Variants in MGAT5 observed in about 807,000 individuals in gnomAD.
MGAT5 encodes the protein alpha-1,6-mannosylglycoprotein 6-beta-N-acetylglucosaminyltransferase, also known as alpha-1,6-mannosylglycoprotein 6-beta-N-acetylglucosaminyltransferase A.
MGAT5 carries 30 observed loss-of-function variants against 94.3 expected under a neutral mutation model. The observed-to-expected ratio is 0.32, with a 90% confidence interval of 0.24 to 0.43. The LOEUF (loss-of-function observed/expected upper bound fraction) is 0.43. Among genes scored for constraint, MGAT5 ranks in the 20% least tolerant of loss-of-function variants. The pLI, the probability that MGAT5 is intolerant of heterozygous loss-of-function variation, is 1.00. For synonymous variants in MGAT5, 310 were observed against 322.9 expected (o/e 0.96, Z 0.43); for missense variants, 691 against 905.5 (o/e 0.76, Z 3.04).
Position 134,254,363 on chromosome 2 carries a change from A to G in MGAT5, c.-41A>G, listed in dbSNP as rs1415406142. On this transcript the variant is annotated 5_prime_UTR_variant, in exon 1 of 16. Coordinates refer to ENST00000281923, the MANE Select transcript of MGAT5 (RefSeq NM_002410.5). ...CACCATGAATTTGTGTCTATCTTCTACGCGTTAAGAGCCAAGGACAGGTGA... is the reference window on the plus strand; with the variant it reads ...CACCATGAATTTGTGTCTATCTTCTGCGCGTTAAGAGCCAAGGACAGGTGA... The G allele has an allele frequency of 1.2e-6, 2 of 1,609,520 alleles. No individual in the cohort carries two copies. The highest frequency in any genetic ancestry group is 2.7e-5 in the African/African-American group (2 of 74,696).
chr2:134,244,915 C>T (rs939801677), intron 1 of MGAT5, among the ~76,000 whole-genome samples: 3 of 152,152 alleles, frequency 2.0e-5, no homozygotes, highest in Non-Finnish European at 4.4e-5. Context: ...TATTCAGACC[C>T]ATATGTCAGT....
At chr2:134,159,508 A>G (rs1000959655) in intron 1 of MGAT5, among the ~76,000 whole-genome samples, 3 of 152,132 alleles carry the variant, frequency 2.0e-5, no homozygotes, top group African/African-American at 7.2e-5. Context: ...TTTACAGGGT[A>G]TTTGTACTTT....
intron 15 of MGAT5, among the ~76,000 whole-genome samples, chr2:134,447,356 CA>C (rs1685846420): frequency 6.6e-6 from 1 of 152,226 alleles, no homozygotes; most frequent in Non-Finnish European, 1.5e-5. Context: ...GTGATGACGA[CA>C]ATGACCACAA....
chr2:134,422,963 T>C, intron 13 of MGAT5, 44 bp downstream of exon 13: 1 of 1,422,694 alleles, frequency 7.0e-7, no homozygotes, highest in Non-Finnish European at 9.9e-7. Context: ...TAATGTGACC[T>C]GAAATGTGTA....
Position 134,448,813 on chromosome 2 carries a change from AG to A in MGAT5, c.2195del (p.Gly732AlafsTer54). The A allele has an allele frequency of 6.2e-7, 1 of 1,613,904 alleles. No homozygotes were observed. The highest frequency in any genetic ancestry group is 8.5e-7 in the Non-Finnish European group (1 of 1,180,012). On this transcript the variant is annotated frameshift_variant, in exon 16 of 16. Coordinates refer to ENST00000281923, the MANE Select transcript of MGAT5 (RefSeq NM_002410.5). LOFTEE classifies it high-confidence loss of function. ...QRVCPCRDFI[K>X]GQVALCKDCL ...GTCTGCCCCTGCCGGGACTTCATCA[AG>A]GGCCAGGTGGCTCTCTGCAAAGACT...
At chr2:134,270,171 T>C (rs1007194135) in intron 1 of MGAT5, among the ~76,000 whole-genome samples, 11 of 152,368 alleles carry the variant, frequency 7.2e-5, no homozygotes, top group African/African-American at 2.6e-4. Context: ...ATGTTACTTA[T>C]TGCCAGACTT....
chr2:134,269,963 A>G lies in MGAT5; in HGVS notation c.242-423A>G, dbSNP rs183574433. Among the ~76,000 whole-genome samples the G allele has an allele frequency of 8.7e-4, 133 of 152,364 alleles. 2 individuals are homozygous for G. Among genetic ancestry groups the G allele is most frequent in the Admixed American group, 8.5e-4 (13 of 15,314 alleles). ...TAAACACTTTTTAAAAAACTGGGAC[A>G]TGCTAGAGTATGCAACACGAAAAAT... On this transcript the variant is annotated intron_variant, in intron 1 of 15. Coordinates refer to ENST00000281923, the MANE Select transcript of MGAT5 (RefSeq NM_002410.5).
intron 9 of MGAT5, among the ~76,000 whole-genome samples, chr2:134,350,448 C>A (rs60448079): frequency 0.017 from 2,598 of 151,982 alleles, 80 homozygotes; most frequent in African/African-American, 0.06. Context: ...AATCCTAGGC[C>A]CAGAATGAAA....
intron 14 of MGAT5, among the ~76,000 whole-genome samples, chr2:134,439,337 G>A (rs1685345302): frequency 6.6e-6 from 1 of 152,192 alleles, no homozygotes; most frequent in African/African-American, 2.4e-5. Flanking sequence ...TGCTCTCAGG[G>A]CCAGCTGCCC....
chr2:134,256,263 A>G (rs911012494), intron 1 of MGAT5, among the ~76,000 whole-genome samples: 1 of 152,234 alleles, frequency 6.6e-6, no homozygotes, highest in African/African-American at 2.4e-5. Flanking sequence ...TTTCCAGAGT[A>G]GTTTAGATAA....
Position 134,394,275 on chromosome 2 carries a change from A to G in MGAT5, c.1381-8713A>G, listed in dbSNP as rs147575553. Among the ~76,000 whole-genome samples the G allele has an allele frequency of 2.2e-3, 335 of 152,368 alleles. 2 individuals carry two copies. Among genetic ancestry groups the G allele is most frequent in the African/African-American group, 7.3e-3 (303 of 41,592 alleles). ...GCAATTACTTTTCATCCTGGCCTGC[A>G]GAAATTGTGTTCTGCCAGTCACTGT... On this transcript the variant is annotated intron_variant, in intron 10 of 15. Coordinates refer to ENST00000281923, the MANE Select transcript of MGAT5 (RefSeq NM_002410.5).
At chr2:134,402,698 A>G (rs1683122560) in intron 10 of MGAT5, among the ~76,000 whole-genome samples, 1 of 152,232 alleles carries the variant, frequency 6.6e-6, no homozygotes, top group African/African-American at 2.4e-5. Context: ...TTGGCTATAT[A>G]ATGTATTTCC....
chr2:134,441,286 G>C (rs1685473247), intron 14 of MGAT5, among the ~76,000 whole-genome samples: 1 of 152,166 alleles, frequency 6.6e-6, no homozygotes, highest in Admixed American at 6.5e-5. Flanking sequence ...TTATGAAACA[G>C]TGTCGTATTA....
At chr2:134,359,924 T>A (rs1679976447) in intron 9 of MGAT5, among the ~76,000 whole-genome samples, 1 of 152,192 alleles carries the variant, frequency 6.6e-6, no homozygotes, top group African/African-American at 2.4e-5. Context: ...AATCACCTGC[T>A]GGGGCGAGTC....
At chr2:134,332,969 A>C (rs573143850) in intron 4 of MGAT5, among the ~76,000 whole-genome samples, 1,938 of 152,220 alleles carry the variant, frequency 0.013, 35 homozygotes, top group African/African-American at 0.043. Context: ...AAATAGGAAC[A>C]CTTTTACACT....
intron 13 of MGAT5, 52 bp downstream of exon 13, chr2:134,422,971 GTATAAA>G (rs1553464732): frequency 3.8e-6 from 5 of 1,327,452 alleles, no homozygotes; most frequent in African/African-American, 2.9e-5. Flanking sequence ...CCTGAAATGT[GTATAAA>G]ACACATCATA....
chr2:134,387,326 ATATATATTTT>A (rs1270500626), intron 10 of MGAT5, among the ~76,000 whole-genome samples: 7 of 36,766 alleles, frequency 1.9e-4, no homozygotes, highest in African/African-American at 4.2e-4. Flanking sequence ...ATATATATAT[ATATATATTTT>A]TTTTTTTTTT....
intron 10 of MGAT5, among the ~76,000 whole-genome samples, chr2:134,371,210 C>G (rs1333215873): frequency 1.3e-5 from 2 of 152,204 alleles, no homozygotes; most frequent in African/African-American, 4.8e-5. Flanking sequence ...TACGTGTCCT[C>G]TGAAGTCATT....
chr2:134,228,922 C>A (rs1681208532), intron 1 of MGAT5, among the ~76,000 whole-genome samples: 2 of 152,136 alleles, frequency 1.3e-5, no homozygotes, highest in Admixed American at 6.6e-5. Context: ...ATGGATGTTT[C>A]ATCTTCTTCA....
Sources: gnomAD v4.1 joint callset for allele counts (sites outside exome capture counted in the v4.1 genomes callset) on GRCh38, gnomAD v4.1.1 for gene constraint, MANE v1.5 for transcripts, NCBI Gene and HGNC (gene_info 2026-07-23, HGNC 2026-07-21) for gene names.